CORO2B: variants seen among roughly 807,000 people sequenced by gnomAD.
The protein encoded by CORO2B is coronin 2B, also known as coronin-2B.
Under a neutral mutation model 58.8 loss-of-function variants are expected in CORO2B, and 26 were observed. That is an observed-to-expected ratio of 0.44 (90% CI 0.32 to 0.61). The LOEUF is 0.61. Ranked by LOEUF, CORO2B falls within the 20% of genes least tolerant of loss-of-function variation. CORO2B has a pLI of 0.04. For synonymous variants in CORO2B, 242 were observed against 253.8 expected (o/e 0.95, Z 0.44); for missense variants, 460 against 645.1 (o/e 0.71, Z 3.11).
In CORO2B at chr15:68,695,244, G is replaced by A. The variant is rs140380181; in HGVS notation, c.321G>A (p.Ser107=). ...PFIDNIIASC[S]EDTSVRIWEI... is the part of the protein sequence containing the mutation. ...TCGACAACATCATTGCCTCGTGCTC[G>A]GAGGACACGTCGGTGAGCAGAGGGG... Residue 107 remains serine, a synonymous_variant, in exon 3 of 12, where the codon TCG becomes TCA. Coordinates refer to ENST00000261861, the MANE Select transcript of CORO2B (RefSeq NM_006091.5). 388 of 1,613,672 alleles carry A rather than the reference G, an allele frequency of 2.4e-4. No individual in the cohort carries two copies. Among genetic ancestry groups the A allele is most frequent in the Middle Eastern group, 1.2e-3 (7 of 6,060 alleles).
At chr15:68,615,201 C>T (rs1296149511) in intron 1 of CORO2B, among the ~76,000 whole-genome samples, 2 of 152,208 alleles carry the variant, frequency 1.3e-5, no homozygotes, top group Non-Finnish European at 2.9e-5. Flanking sequence ...ACTGCTTGGT[C>T]ATTAACTGGG....
rs201416310 is a variant in CORO2B at position 68,662,930 on chromosome 15, A to AT, written c.216+17580dup. On this transcript the variant is annotated intron_variant, in intron 2 of 11. Coordinates refer to ENST00000261861, the MANE Select transcript of CORO2B (RefSeq NM_006091.5). The stretch of plus-strand genomic sequence containing the variant: ...GCATTTATGACATACCTTTTTCTTA[A>AT]TTTTTTTTTTCCTAAACAGGCTAAC... 9.9e-3 allele frequency among the ~76,000 whole-genome samples: 1,492 copies of AT among 150,578 alleles called. 80 individuals are homozygous for AT. Among genetic ancestry groups the AT allele is most frequent in the Admixed American group, 0.087 (1,309 of 15,104 alleles).
chr15:68,567,653 CA>C, the CORO2B span, among the ~76,000 whole-genome samples: 1 of 152,296 alleles, frequency 6.6e-6, no homozygotes, highest in African/African-American at 2.4e-5. Flanking sequence ...GTTTTCAACT[CA>C]AAATAATTAA....
chr15:68,691,191 A>C (rs1052322002), intron 2 of CORO2B, among the ~76,000 whole-genome samples: 7 of 150,318 alleles, frequency 4.7e-5, no homozygotes, highest in Non-Finnish European at 8.9e-5. Context: ...TAGCCGGGCA[A>C]GGTGGCGGGC....
intron 1 of CORO2B, among the ~76,000 whole-genome samples, chr15:68,638,096 A>G (rs1901090627): frequency 1.3e-5 from 2 of 152,104 alleles, no homozygotes; most frequent in Admixed American, 6.5e-5. Flanking sequence ...CCCATCTGGG[A>G]GGGAGACCAG....
intron 1 of CORO2B, among the ~76,000 whole-genome samples, chr15:68,609,733 A>G (rs74638951): frequency 0.01 from 1,566 of 152,236 alleles, 37 homozygotes; most frequent in African/African-American, 0.036. Flanking sequence ...CATGAAAGCT[A>G]CTGATGGAAG....
rs564196906 is a variant in CORO2B at position 68,587,923 on chromosome 15, G to A, written c.15+8646G>A. Among the ~76,000 whole-genome samples, 8 of 152,322 alleles carry A rather than the reference G, an allele frequency of 5.3e-5. No homozygotes were observed. In the South Asian group the frequency reaches 1.0e-3, roughly 20 times the overall value. ...CGGAAATATGTGGTCCAGAGCATGG[G>A]ACCTGGAGGCAGAAGACCCAGGCCT... is the stretch of plus-strand genomic sequence containing the variant. On this transcript the variant is annotated intron_variant, in intron 1 of 11. Coordinates refer to ENST00000261861, the MANE Select transcript of CORO2B (RefSeq NM_006091.5).
chr15:68,518,500 C>T, the CORO2B span, among the ~76,000 whole-genome samples: 23 of 152,074 alleles, frequency 1.5e-4, no homozygotes, highest in Non-Finnish European at 2.1e-4. Flanking sequence ...ATTTTCAGCC[C>T]TTCTACCTTC....
At chr15:68,548,699 T>G in the CORO2B span, among the ~76,000 whole-genome samples, 1 of 152,250 alleles carries the variant, frequency 6.6e-6, no homozygotes, top group Admixed American at 6.5e-5. Flanking sequence ...TATGAGAGTA[T>G]TAATGTCTCC....
At chr15:68,531,357 T>C in the CORO2B span, among the ~76,000 whole-genome samples, 26,822 of 85,962 alleles carry the variant, frequency 0.31, 2,478 homozygotes, top group Middle Eastern at 0.35. Context: ...ACAAGCCGAG[T>C]GCGGTGATGT....
intron 2 of CORO2B, among the ~76,000 whole-genome samples, chr15:68,691,966 G>A (rs1345663577): frequency 6.6e-6 from 1 of 152,218 alleles, no homozygotes; most frequent in African/African-American, 2.4e-5. Flanking sequence ...TGCAGCTTTT[G>A]CGATCAGATG....
the CORO2B span, among the ~76,000 whole-genome samples, chr15:68,552,470 G>A: frequency 6.7e-5 from 9 of 134,014 alleles, no homozygotes; most frequent in Non-Finnish European, 9.6e-5. Flanking sequence ...AGGAGGACGC[G>A]GGGGGGTGGG....
chr15:68,528,055 T>C, the CORO2B span, among the ~76,000 whole-genome samples: 2 of 152,210 alleles, frequency 1.3e-5, no homozygotes, highest in African/African-American at 4.8e-5. Context: ...TTTAGAACTT[T>C]CTATGTACAC....
the CORO2B span, among the ~76,000 whole-genome samples, chr15:68,558,850 A>C: frequency 6.6e-6 from 1 of 152,136 alleles, no homozygotes; most frequent in African/African-American, 2.4e-5. Flanking sequence ...ACATTGGCCA[A>C]GTTACTTCCC....
At chr15:68,583,505 C>T (rs1899479691) in intron 1 of CORO2B, among the ~76,000 whole-genome samples, 1 of 152,210 alleles carries the variant, frequency 6.6e-6, no homozygotes, top group Non-Finnish European at 1.5e-5. Context: ...CCACTTACCC[C>T]ACTGCATCGC....
At chr15:68,604,461 C>T (rs558605276) in intron 1 of CORO2B, among the ~76,000 whole-genome samples, 2 of 151,986 alleles carry the variant, frequency 1.3e-5, no homozygotes, top group Admixed American at 6.5e-5. Context: ...GAATGCCTTG[C>T]CAGTCCTAAG....
the CORO2B span, among the ~76,000 whole-genome samples, chr15:68,553,526 G>A: frequency 2.0e-5 from 3 of 152,190 alleles, no homozygotes; most frequent in Non-Finnish European, 2.9e-5. Flanking sequence ...CCATGCCAAC[G>A]CCTTGGTTTT....
chr15:68,636,558 G>A lies in CORO2B; in HGVS notation c.16-8602G>A, dbSNP rs190339619. Among the ~76,000 whole-genome samples, 4 of 152,330 alleles carry A rather than the reference G, an allele frequency of 2.6e-5. No individual in the cohort carries two copies. The East Asian group carries it at 7.7e-4, about 29-fold the overall frequency. The stretch of plus-strand genomic sequence containing the variant: ...GCAGGACAGAGCTGGGTGGCGAGGA[G>A]GAATTCCAATTTCCTGGGTGAGAAA... On this transcript the variant is annotated intron_variant, in intron 1 of 11. Coordinates refer to ENST00000261861, the MANE Select transcript of CORO2B (RefSeq NM_006091.5).
the CORO2B span, among the ~76,000 whole-genome samples, chr15:68,522,846 T>C: frequency 2.6e-4 from 39 of 152,340 alleles, no homozygotes; most frequent in African/African-American, 9.1e-4. Flanking sequence ...TCCTGCGTGT[T>C]TTTCTTGCCT....
Sources: gnomAD v4.1 joint callset for allele counts (sites outside exome capture counted in the v4.1 genomes callset) on GRCh38, gnomAD v4.1.1 for gene constraint, MANE v1.5 for transcripts, NCBI Gene and HGNC (gene_info 2026-07-23, HGNC 2026-07-21) for gene names.